Variants in ANXA8 observed in about 807,000 individuals in gnomAD.
ANXA8 encodes the protein VAC-beta.
ANXA8 carries 9 observed loss-of-function variants against 26.8 expected under a neutral mutation model. The ratio of observed to expected loss-of-function variants is 0.34; its 90% CI spans 0.20 to 0.59. The LOEUF (loss-of-function observed/expected upper bound fraction) is 0.59, where lower values mean the gene tolerates loss of function less well. Among genes scored for constraint, ANXA8 ranks in the 20% least tolerant of loss-of-function variants. The pLI, the probability that ANXA8 is intolerant of heterozygous loss-of-function variation, is 0.84. For missense variants in ANXA8, 83 were observed against 238.5 expected (o/e 0.35, Z 4.29); for synonymous variants, 39 against 94.8 (o/e 0.41, Z 3.42).
chr10:47,523,982 A>C, the ANXA8 span, among the ~76,000 whole-genome samples: 2 of 135,740 alleles, frequency 1.5e-5, no homozygotes, highest in African/African-American at 2.9e-5. Flanking sequence ...ACAGTGCCCC[A>C]CCCTGCCTGC....
chr10:47,771,498 T>A, the ANXA8 span, among the ~76,000 whole-genome samples: 1 of 151,678 alleles, frequency 6.6e-6, no homozygotes, highest in Admixed American at 6.6e-5. Flanking sequence ...CCAAATACTT[T>A]ACTTACATTG....
chr10:47,701,108 A>G, the ANXA8 span, among the ~76,000 whole-genome samples: 1 of 149,876 alleles, frequency 6.7e-6, no homozygotes, highest in Admixed American at 6.7e-5. Context: ...TCAAAAAAAG[A>G]TATAAAAATG....
At chr10:47,540,349 G>A in the ANXA8 span, among the ~76,000 whole-genome samples, 5 of 98,212 alleles carry the variant, frequency 5.1e-5, no homozygotes, top group African/African-American at 1.5e-4. Context: ...GATAAACACC[G>A]GAAGAGTTAA....
chr10:47,916,564 T>C, the ANXA8 span, among the ~76,000 whole-genome samples: 2 of 130,800 alleles, frequency 1.5e-5, no homozygotes, highest in African/African-American at 2.6e-5. Flanking sequence ...CTCTACTTCT[T>C]TGAGGCTCAG....
the ANXA8 span, among the ~76,000 whole-genome samples, chr10:47,581,777 AT>A: frequency 2.1e-5 from 3 of 145,516 alleles, no homozygotes; most frequent in Non-Finnish European, 3.0e-5. Context: ...AACTTTTTGT[AT>A]TTTTTTTTAG....
chr10:47,672,956 T>C, the ANXA8 span, among the ~76,000 whole-genome samples: 90 of 151,284 alleles, frequency 5.9e-4, no homozygotes, highest in Non-Finnish European at 1.0e-3. Flanking sequence ...CAGAAAGTAA[T>C]CAAACTTTCA....
At chr10:47,899,115 G>A in the ANXA8 span, among the ~76,000 whole-genome samples, 1 of 151,592 alleles carries the variant, frequency 6.6e-6, no homozygotes, top group Admixed American at 6.6e-5. Context: ...TGGGATTACA[G>A]GCACGAGCCA....
At chr10:47,689,647 C>A in the ANXA8 span, 1 of 600,030 alleles carries the variant, frequency 1.7e-6, no homozygotes, top group Non-Finnish European at 2.9e-6. Context: ...AGTTAATATC[C>A]ATATGCAAAA....
the ANXA8 span, among the ~76,000 whole-genome samples, chr10:47,900,330 AT>A: frequency 6.6e-6 from 1 of 151,962 alleles, no homozygotes; most frequent in Non-Finnish European, 1.5e-5. Context: ...ATCATTTAAT[AT>A]CCCCATCTAC....
the ANXA8 span, among the ~76,000 whole-genome samples, chr10:47,647,147 A>T: frequency 6.6e-6 from 1 of 152,248 alleles, no homozygotes; most frequent in Non-Finnish European, 1.5e-5. Flanking sequence ...ATTCTCTTTC[A>T]TAATGCTTCT....
At chr10:47,898,811 A>AATTTTT in the ANXA8 span, among the ~76,000 whole-genome samples, 1 of 56,242 alleles carries the variant, frequency 1.8e-5, no homozygotes, top group African/African-American at 8.6e-5. Context: ...AAGAGAATGG[A>AATTTTT]TTTTTTTTTT....
At chr10:47,665,573 T>A in the ANXA8 span, among the ~76,000 whole-genome samples, 1 of 149,868 alleles carries the variant, frequency 6.7e-6, no homozygotes, top group Non-Finnish European at 1.5e-5. Flanking sequence ...GGTACTGTGT[T>A]ATATGCTGTT....
At chr10:47,590,055 T>C in the ANXA8 span, 3 of 146,112 alleles carry the variant, frequency 2.1e-5, 1 homozygote, top group African/African-American at 8.4e-5. Context: ...GGTGGCAAGT[T>C]CATCCTATTA....
At chr10:47,694,326 T>C in the ANXA8 span, among the ~76,000 whole-genome samples, 1 of 151,448 alleles carries the variant, frequency 6.6e-6, no homozygotes, top group African/African-American at 2.4e-5. Flanking sequence ...AATCTACACT[T>C]TTCTGTTGTC....
chr10:47,683,919 A>G, the ANXA8 span, among the ~76,000 whole-genome samples: 2 of 151,762 alleles, frequency 1.3e-5, no homozygotes, highest in African/African-American at 4.8e-5. Flanking sequence ...TTAATGATAC[A>G]TGTTTTGTAA....
chr10:47,723,599 G>A, the ANXA8 span, among the ~76,000 whole-genome samples: 1 of 135,678 alleles, frequency 7.4e-6, no homozygotes, highest in Non-Finnish European at 1.6e-5. Flanking sequence ...CTGTCTCTCA[G>A]GCCCTTCTTT....
chr10:47,547,458 C>A, the ANXA8 span, among the ~76,000 whole-genome samples: 2 of 117,960 alleles, frequency 1.7e-5, no homozygotes, highest in Admixed American at 9.3e-5. Context: ...ATATAAAGGT[C>A]TGCAGGGACC....
chr10:47,691,279 G>A, the ANXA8 span: 4 of 1,215,240 alleles, frequency 3.3e-6, no homozygotes, highest in South Asian at 1.4e-5. Context: ...GCTAAGTTTT[G>A]TTTGTTTTTG....
chr10:47,488,712 AATTT>A (rs1231824492), upstream of ANXA8, among the ~76,000 whole-genome samples: 197 of 95,868 alleles, frequency 2.1e-3, 4 homozygotes, highest in African/African-American at 6.7e-3. Context: ...TTACATGTTA[AATTT>A]TTTTTTTTTT....
Sources: allele counts gnomAD v4.1 joint callset (sites outside exome capture counted in the v4.1 genomes callset), GRCh38; gene constraint gnomAD v4.1.1; transcripts MANE v1.5; gene names NCBI Gene and HGNC (gene_info 2026-07-23, HGNC 2026-07-21).